The following CLSTN3 variants were observed in gnomAD, a reference collection of about 807,000 sequenced individuals.
CLSTN3 encodes the protein calsyntenin-3.
CLSTN3 carries 36 observed loss-of-function variants against 95.9 expected under a neutral mutation model. That is an observed-to-expected ratio of 0.38 (90% CI 0.29 to 0.50). The LOEUF (loss-of-function observed/expected upper bound fraction) is 0.50. CLSTN3 is among the 20% of genes least tolerant of loss of function. The pLI is 0.95. For missense variants in CLSTN3, 1,084 were observed against 1,268.8 expected (o/e 0.85, Z 2.21); for synonymous variants, 481 against 504.0 (o/e 0.95, Z 0.61).
chr12:7,151,710 T>C (rs1939726802), intron 16 of CLSTN3, among the ~76,000 whole-genome samples: 1 of 152,184 alleles, frequency 6.6e-6, no homozygotes, highest in South Asian at 2.1e-4. Context: ...TTTTCAACTT[T>C]TGAGTTGCGT....
chr12:7,150,918 C>G lies in CLSTN3; in HGVS notation c.2392-10C>G. ...AGCGTGTGTGCCCATGGAGCCCTCC[C>G]TCTGCCCAGGTCAATGTCCTGCACA... On this transcript the variant is annotated splice_polypyrimidine_tract_variant and intron_variant, in intron 15 of 17. Transcript: ENST00000266546. This position sits in a 1 kb window ranked among gnomAD's most constrained non-coding sequence, Gnocchi z 4.0. 6.3e-7 allele frequency: 1 copy of G among 1,577,528 alleles called. No homozygotes were observed. Among genetic ancestry groups the G allele is most frequent in the African/African-American group, 1.3e-5 (1 of 74,186 alleles).
Position 7,137,793 on chromosome 12 carries a change from TGTGAGA to T in CLSTN3, c.1211-160_1211-155del, listed in dbSNP as rs1309695728. Among the ~76,000 whole-genome samples, 2 of 71,244 alleles carry T rather than the reference TGTGAGA, an allele frequency of 2.8e-5. No homozygotes were observed. The highest frequency in any genetic ancestry group is 6.6e-5 in the Non-Finnish European group (2 of 30,328). 46.7% of individuals were successfully genotyped at this position (71,244 alleles called of 152,430 possible). The stretch of plus-strand genomic sequence containing the variant: ...GTGTGTGTGTGTGTGTGTGTGTGTG[TGTGAGA>T]GAGAGAGAGAGAGAGAGAGAGAGGA... On this transcript the variant is annotated intron_variant, in intron 7 of 17. Transcript: ENST00000266546. This position sits in a 1 kb window ranked among gnomAD's most constrained non-coding sequence, Gnocchi z 4.4.
rs776890047 is a variant in CLSTN3, at chr12:7,141,483, C to G, written c.1486+79C>G. On this transcript the variant is annotated intron_variant, in intron 9 of 17. Coordinates refer to ENST00000266546, the MANE Select transcript of CLSTN3 (RefSeq NM_014718.4). This position sits in a 1 kb window ranked among gnomAD's most constrained non-coding sequence, Gnocchi z 4.1. ...CTGGTGAGGAGCAAGGGCAGTCTGA[C>G]CCAGCAGCTGAGGCCGCCTCCTGCA... 6.7e-6 allele frequency: 10 copies of G among 1,498,812 alleles called. No individual in the cohort carries two copies. The highest frequency in any genetic ancestry group is 9.3e-6 in the Non-Finnish European group (10 of 1,078,256). The allele number at this position is 1,498,812 out of a possible 1,614,324, so 92.8% of individuals were successfully genotyped here.
At position 7,135,601 on chromosome 12, in the gene CLSTN3, C is replaced by T. The variant is rs899421429; in HGVS notation, c.592+66C>T. The T allele has an allele frequency of 3.3e-6, 5 of 1,534,384 alleles. No homozygotes were observed. In the African/African-American group the frequency reaches 5.5e-5, roughly 17 times the overall value. On this transcript the variant is annotated intron_variant, in intron 4 of 17. Transcript: ENST00000266546. ...TGAGCACCCACCTCCCTCAGGACAA[C>T]CCAGGGTTGCATTCTCCACTTTTGC...
At chr12:7,146,984 CTCA>C (rs1383365500) in intron 12 of CLSTN3, among the ~76,000 whole-genome samples, 2 of 152,154 alleles carry the variant, frequency 1.3e-5, no homozygotes, top group African/African-American at 4.8e-5. Flanking sequence ...GGGCTCTGAG[CTCA>C]TCATGCCTAC....
At chr12:7,156,086 C>G (rs775985922) in intron 16 of CLSTN3, 1 of 358,556 alleles carries the variant, frequency 2.8e-6, no homozygotes, top group East Asian at 7.4e-5. Flanking sequence ...TAGGGGCTTG[C>G]TTGTGTGACT....
In CLSTN3 at chr12:7,136,880, A is replaced by G. The variant is rs776279570; in HGVS notation, c.980A>G (p.Asn327Ser). The G allele has an allele frequency of 1.8e-5, 29 of 1,613,264 alleles. No homozygotes were observed. Among genetic ancestry groups the G allele is most frequent in the South Asian group, 1.1e-5 (1 of 91,008 alleles). The change falls in exon 7 of 18, where the codon AAC becomes AGC. Residue 327 changes from asparagine to serine, a missense_variant. By Grantham distance (46) the Asn-to-Ser change is conservative. Transcript: ENST00000266546. ...DLLPMPGPNANWTAGLSVHYS... is the reference protein window; with the variant it reads ...DLLPMPGPNASWTAGLSVHYS... ...TTGCCCATGCCTGGCCCCAATGCCA[A>G]CTGGACAGCAGGACTCTCGGTGCAC...
intron 1 of CLSTN3, among the ~76,000 whole-genome samples, chr12:7,132,136 G>A (rs1939315605): frequency 6.6e-6 from 1 of 152,140 alleles, no homozygotes; most frequent in South Asian, 2.1e-4. Context: ...GATGAGTCCC[G>A]CATCCATTCT....
intron 8 of CLSTN3, among the ~76,000 whole-genome samples, chr12:7,138,529 A>T (rs1376258871): frequency 6.6e-6 from 1 of 152,206 alleles, no homozygotes; most frequent in African/African-American, 2.4e-5. Context: ...CAACCCTGTT[A>T]TATAGGGATA....
intron 12 of CLSTN3, among the ~76,000 whole-genome samples, chr12:7,147,960 G>T (rs1047002622): frequency 1.3e-5 from 2 of 152,124 alleles, no homozygotes; most frequent in African/African-American, 4.8e-5. Context: ...TTCAAGACCA[G>T]CCTGGCCAAT....
chr12:7,141,198 G>T lies in CLSTN3; in HGVS notation c.1324-44G>T, dbSNP rs1939518952. The T allele has an allele frequency of 6.3e-7, 1 of 1,591,968 alleles. No individual in the cohort carries two copies. The stretch of plus-strand genomic sequence containing the variant: ...CAGTGCCTAGGGTTAGCTCTCTGAA[G>T]ACGAATTACCTGAGAGGCTCTTGCC... On this transcript the variant is annotated intron_variant, in intron 8 of 17. Coordinates refer to ENST00000266546, the MANE Select transcript of CLSTN3 (RefSeq NM_014718.4). This position sits in a 1 kb window ranked among gnomAD's most constrained non-coding sequence, Gnocchi z 4.1.
At chr12:7,156,571 G>A in intron 16 of CLSTN3, 1 of 456,732 alleles carries the variant, frequency 2.2e-6, no homozygotes, top group South Asian at 1.5e-5. Flanking sequence ...GGCTGGTGTG[G>A]GCCAGCATGC....
intron 12 of CLSTN3, among the ~76,000 whole-genome samples, chr12:7,145,986 C>T (rs1008457532): frequency 6.6e-6 from 1 of 152,144 alleles, no homozygotes; most frequent in Non-Finnish European, 1.5e-5. Flanking sequence ...GTCTTATTAC[C>T]TCTTATCTGG....
rs373999959 is a variant in CLSTN3 at position 7,143,327 on chromosome 12, G to A, written c.1847+16G>A. 84 of 1,601,168 alleles carry A rather than the reference G, an allele frequency of 5.2e-5. No individual in the cohort carries two copies. The highest frequency in any genetic ancestry group is 6.7e-5 in the Non-Finnish European group (79 of 1,177,066). On this transcript the variant is annotated intron_variant, in intron 12 of 17. Transcript: ENST00000266546. ...CTGCTGTCAAGTGAGTGTTGGGTGG[G>A]GCAGGGCAAATCACCAAGCAGAGCC...
chr12:7,134,660 A>G (rs1460761768), intron 3 of CLSTN3, among the ~76,000 whole-genome samples: 3 of 152,240 alleles, frequency 2.0e-5, no homozygotes, highest in Non-Finnish European at 1.5e-5. Flanking sequence ...ACCTTTGTAC[A>G]CATGCCATTT....
Position 7,157,818 on chromosome 12 carries a change from A to G in CLSTN3, c.2731-123A>G. The G allele has an allele frequency of 6.7e-7, 1 of 1,490,250 alleles. No homozygotes were observed. Among genetic ancestry groups the G allele is most frequent in the Non-Finnish European group, 9.0e-7 (1 of 1,107,908 alleles). The allele number at this position is 1,490,250 out of a possible 1,614,324, so 92.3% of individuals were successfully genotyped here. A position where few individuals can be genotyped will look rare whatever the true frequency, so the allele number is the denominator to read the frequency against. ...GAGCTGCAGTGAGCCGGAGGGAGAGAGGTTCAGGCAGGGAAGGGGGTACAC... is the reference window on the plus strand; with the variant it reads ...GAGCTGCAGTGAGCCGGAGGGAGAGGGGTTCAGGCAGGGAAGGGGGTACAC... On this transcript the variant is annotated intron_variant, in intron 17 of 17. Transcript: ENST00000266546. The surrounding 1 kb of genome is among the most constrained non-coding windows in gnomAD (Gnocchi z 5.9).
chr12:7,131,310 A>G (rs115596217), intron 1 of CLSTN3: 7,300 of 216,686 alleles, frequency 0.034, 174 homozygotes, highest in Middle Eastern at 0.053. Context: ...TGTCGGACAG[A>G]CGGAGAGGGA....
Position 7,145,338 on chromosome 12 carries a change from T to A in CLSTN3, c.1847+2027T>A, listed in dbSNP as rs1173662313. 3.3e-5 allele frequency among the ~76,000 whole-genome samples: 3 copies of A among 90,390 alleles called. No homozygotes were observed. In the East Asian group the frequency reaches 1.0e-3, roughly 31 times the overall value. The allele number at this position is 90,390 out of a possible 152,430, so 59.3% of individuals were successfully genotyped here. On this transcript the variant is annotated intron_variant, in intron 12 of 17. Transcript: ENST00000266546. ...ACTTCCCTGAGGTCACGGGAGAAAA[T>A]ATAGAGGGGTGTGTGTGTGTGTGTG...
In CLSTN3 at chr12:7,157,766, G is replaced by A; in HGVS notation, c.2730+75G>A. The A allele has an allele frequency of 6.6e-7, 1 of 1,513,058 alleles. No individual in the cohort carries two copies. The highest frequency in any genetic ancestry group is 8.9e-7 in the Non-Finnish European group (1 of 1,120,882). The allele number at this position is 1,513,058 out of a possible 1,614,324, so 93.7% of individuals were successfully genotyped here. A position where few individuals can be genotyped will look rare whatever the true frequency, so the allele number is the denominator to read the frequency against. ...CACACGGTGAGGACTCCTGAGGAGG[G>A]GCAGGCCTGGGTGGAGGCTGTTCGC... On this transcript the variant is annotated intron_variant, in intron 17 of 17. Transcript: ENST00000266546. This position sits in a 1 kb window ranked among gnomAD's most constrained non-coding sequence, Gnocchi z 5.9.
Sources: gnomAD v4.1 joint callset for allele counts (sites outside exome capture counted in the v4.1 genomes callset) on GRCh38, gnomAD v4.1.1 for gene constraint, Gnocchi (gnomAD v3.1) non-coding constraint, MANE v1.5 for transcripts, NCBI Gene and HGNC (gene_info 2026-07-23, HGNC 2026-07-21) for gene names.